The following ERCC4 variants were observed in gnomAD, a reference collection of about 807,000 sequenced individuals.
ERCC4 encodes the protein ERCC excision repair 4, endonuclease catalytic subunit.
A neutral mutation model predicts 76.9 loss-of-function variants in ERCC4; 65 were observed. That is an observed-to-expected ratio of 0.84 (90% CI 0.69 to 1.04). ERCC4 has a LOEUF of 1.04. ERCC4 is among the 50% of genes least tolerant of loss of function. The probability of loss-of-function intolerance (pLI) is 0.00; values close to 1 mark genes in which losing one functional copy is unlikely to be tolerated. For synonymous variants in ERCC4, 463 were observed against 410.1 expected, an observed-to-expected ratio of 1.13 and a Z score of -1.56; for missense variants, 1,214 against 1,128.2, an observed-to-expected ratio of 1.08 and a Z score of -1.09.
intron 1 of ERCC4, among the ~76,000 whole-genome samples, chr16:13,920,894 G>A (rs550904003): frequency 3.9e-5 from 6 of 152,280 alleles, no homozygotes; most frequent in African/African-American, 1.2e-4. Context: ...AAGAGGGATG[G>A]GAGGGGTCCC....
intron 8 of ERCC4, 68 bp downstream of exon 8, chr16:13,935,811 G>A: frequency 8.7e-7 from 1 of 1,154,162 alleles, no homozygotes; most frequent in Non-Finnish European, 1.3e-6. Flanking sequence ...AACTATACCA[G>A]TTGCATGTTA....
rs765930617 is a variant in ERCC4 at position 13,930,771 on chromosome 16, T to C, written c.854T>C (p.Val285Ala). The C allele has an allele frequency of 1.2e-6, 2 of 1,611,116 alleles. No homozygotes were observed. The highest frequency in any genetic ancestry group is 8.5e-7 in the Non-Finnish European group (1 of 1,177,214). Residue 285 changes from valine to alanine, a missense_variant, in exon 5 of 11, where the codon GTT becomes GCT. Physicochemically the swap from Val to Ala is moderately conservative, Grantham distance 64. Coordinates refer to ENST00000311895, the MANE Select transcript of ERCC4 (RefSeq NM_005236.3). Reference protein sequence around the residue: ...HQLGAKTKSLVQDLKILRTLL... With the variant: ...HQLGAKTKSLAQDLKILRTLL... ...CTTGGAGCCAAGACTAAATCCTTAG[T>C]TCAGGATTTGAAGATATTACGAACT...
At chr16:13,934,106 C>G (rs1210297501) in intron 6 of ERCC4, 86 bp from the exon 7 acceptor site, 2 of 806,724 alleles carry the variant, frequency 2.5e-6, no homozygotes, top group Non-Finnish European at 4.2e-6. Flanking sequence ...TACTGATGCT[C>G]GTGTTATCTG....
rs544238446 is a variant in ERCC4 at position 13,932,821 on chromosome 16, G to A, written c.1102+536G>A. 24 of 182,410 alleles carry A rather than the reference G, an allele frequency of 1.3e-4. No individual in the cohort carries two copies. In the East Asian group the frequency reaches 4.0e-3, roughly 30 times the overall value. 11.3% of individuals were successfully genotyped at this position (182,410 alleles called of 1,614,324 possible). On this transcript the variant is annotated intron_variant, in intron 6 of 10. Coordinates refer to ENST00000311895, the MANE Select transcript of ERCC4 (RefSeq NM_005236.3). ...GCACTTTGGGAGGCTGAGGCAGGCC[G>A]ATCACCTGAGGTCAGGAGTTTGAGA... is the stretch of plus-strand genomic sequence containing the variant.
intron 2 of ERCC4, 183 bp downstream of exon 2, chr16:13,922,394 T>C (rs2031996337): frequency 1.3e-6 from 1 of 760,452 alleles, no homozygotes; most frequent in South Asian, 1.4e-5. Context: ...GGTGGGGGTG[T>C]TCGGTCCTTG....
intron 8 of ERCC4, among the ~76,000 whole-genome samples, chr16:13,936,448 T>G (rs1478849143): frequency 6.6e-6 from 1 of 152,216 alleles, no homozygotes; most frequent in Admixed American, 6.5e-5. Context: ...TAATGCAGGA[T>G]GAAGAGATTA....
Position 13,932,247 on chromosome 16 carries a change from A to G in ERCC4, c.1064A>G (p.Glu355Gly), listed in dbSNP as rs1238746537. The G allele has an allele frequency of 8.1e-6, 13 of 1,611,480 alleles. No homozygotes were observed. The highest frequency in any genetic ancestry group is 2.2e-5 in the East Asian group (1 of 44,874). ...CCAGATGCCAAAATGAGTAAAAAAG[A>G]AAAAATATCTGAAAAAATGGAAATT... ...HLPDAKMSKK[E>G]KISEKMEIKE... The change falls in exon 6 of 11, where the codon GAA becomes GGA. Residue 355 changes from glutamate to glycine, a missense_variant. Coordinates refer to ENST00000311895, the MANE Select transcript of ERCC4 (RefSeq NM_005236.3).
At position 13,947,781 on chromosome 16, in the gene ERCC4, A is replaced by T; in HGVS notation, c.2185A>T (p.Ile729Phe). Residue 729 changes from isoleucine (I) to phenylalanine (F), a missense_variant, in exon 11 of 11, where the codon ATC becomes TTC. Coordinates refer to ENST00000311895, the MANE Select transcript of ERCC4 (RefSeq NM_005236.3). Reference protein sequence around the residue: ...TPEMCVERKSISDLIGSLNNG... With the variant: ...TPEMCVERKSFSDLIGSLNNG... ...AGAAATGTGCGTGGAGCGCAAGAGT[A>T]TCAGTGATTTAATCGGCTCTTTAAA... 1 of 1,614,258 alleles carries T rather than the reference A, an allele frequency of 6.2e-7. No homozygotes were observed. The highest frequency in any genetic ancestry group is 8.5e-7 in the Non-Finnish European group (1 of 1,180,046).
Position 13,935,146 on chromosome 16 carries a change from G to T in ERCC4, c.1214G>T (p.Gly405Val). 6.2e-7 allele frequency: 1 copy of T among 1,609,880 alleles called. No homozygotes were observed. The highest frequency in any genetic ancestry group is 8.5e-7 in the Non-Finnish European group (1 of 1,176,196). Residue 405 changes from glycine to valine, a missense_variant and splice_region_variant, in exon 8 of 11, where the codon GGT becomes GTT. Coordinates refer to ENST00000311895, the MANE Select transcript of ERCC4 (RefSeq NM_005236.3). ...ACATAATGTTGTTTTCTATTTTCAGGTCAAGTACTGATTTGTGCAAGTGAT... is the reference window on the plus strand; with the variant it reads ...ACATAATGTTGTTTTCTATTTTCAGTTCAAGTACTGATTTGTGCAAGTGAT... ...NKESEALGGP[G>V]QVLICASDDR...
At chr16:13,922,806 A>G (rs1445583062) in intron 2 of ERCC4, 3 of 193,692 alleles carry the variant, frequency 1.5e-5, no homozygotes, top group African/African-American at 7.1e-5. Flanking sequence ...TATGCTTCCA[A>G]CTTTCAGCAT....
chr16:13,932,353 C>A, intron 6 of ERCC4, 68 bp downstream of exon 6: 1 of 1,425,332 alleles, frequency 7.0e-7, no homozygotes, highest in Non-Finnish European at 9.8e-7. Context: ...ATTTAAAGTG[C>A]AATTTAAAGT....
chr16:13,920,711 G>T (rs1013283972), intron 1 of ERCC4, among the ~76,000 whole-genome samples: 3 of 151,976 alleles, frequency 2.0e-5, no homozygotes, highest in Non-Finnish European at 4.4e-5. Flanking sequence ...ACTGTGCGGG[G>T]ACTCTGAGAG....
intron 1 of ERCC4, among the ~76,000 whole-genome samples, chr16:13,921,402 A>G (rs963614847): frequency 3.9e-5 from 6 of 152,264 alleles, no homozygotes; most frequent in African/African-American, 1.4e-4. Context: ...GATCCCCTAG[A>G]TATATCAGGT....
At chr16:13,934,869 A>G in intron 7 of ERCC4, 1 of 351,220 alleles carries the variant, frequency 2.8e-6, no homozygotes, top group Non-Finnish European at 5.2e-6. Flanking sequence ...AATATTAATT[A>G]AAAAGAACTT....
intron 2 of ERCC4, 90 bp from the exon 3 acceptor site, chr16:13,926,471 C>T (rs2032073531): frequency 9.0e-7 from 1 of 1,109,708 alleles, no homozygotes; most frequent in Non-Finnish European, 1.4e-6. Context: ...GGTGCTTATT[C>T]ATTCTCTTGT....
chr16:13,928,111 TTGCTATACAGAC>T lies in ERCC4; in HGVS notation c.677_688del (p.Gln226_Ile229del), dbSNP rs766148211. Reference sequence around the variant, plus strand: ...CATGTTTCTATGACACCTACCATGCTTGCTATACAGACTGCTATACTGGACATTTTAAATGCA... The same window carrying T: ...CATGTTTCTATGACACCTACCATGCTTGCTATACTGGACATTTTAAATGCA... On this transcript the variant is annotated inframe_deletion, in exon 4 of 11. Transcript: ENST00000311895. The T allele has an allele frequency of 2.5e-6, 4 of 1,613,602 alleles. No homozygotes were observed. The African/African-American group carries it at 5.3e-5, about 22-fold the overall frequency.
chr16:13,940,868 G>A (rs986682044), intron 9 of ERCC4, among the ~76,000 whole-genome samples: 2 of 152,196 alleles, frequency 1.3e-5, no homozygotes, highest in Non-Finnish European at 2.9e-5. Flanking sequence ...AGTTTGAGCA[G>A]CCCAGGCCTG....
intron 9 of ERCC4, among the ~76,000 whole-genome samples, chr16:13,942,606 AATT>A (rs1425901034): frequency 1.1e-4 from 17 of 152,332 alleles, no homozygotes; most frequent in African/African-American, 3.1e-4. Context: ...TAAGTTTTTA[AATT>A]ATTATCCTCA....
chr16:13,951,329 C>G lies in ERCC4; in HGVS notation c.*2982C>G, dbSNP rs1160361475. 1 of 192,666 alleles carries G rather than the reference C, an allele frequency of 5.2e-6. No homozygotes were observed. The highest frequency in any genetic ancestry group is 1.1e-5 in the Non-Finnish European group (1 of 92,268). The allele number at this position is 192,666 out of a possible 1,614,324, so 11.9% of individuals were successfully genotyped here. A position where few individuals can be genotyped will look rare whatever the true frequency, so the allele number is the denominator to read the frequency against. ...ATGTTTGGCTCTTTTAAAACCTTTT[C>G]TAAAAGCTAGATCAGCATTTTTCTA... On this transcript the variant is annotated 3_prime_UTR_variant, in exon 11 of 11. Transcript: ENST00000311895.
Sources: allele counts gnomAD v4.1 joint callset (sites outside exome capture counted in the v4.1 genomes callset), GRCh38; gene constraint gnomAD v4.1.1; transcripts MANE v1.5; gene names NCBI Gene and HGNC (gene_info 2026-07-23, HGNC 2026-07-21).